MLX: variants seen among roughly 807,000 people sequenced by gnomAD.
MLX encodes the protein max-like protein X.
A neutral mutation model predicts 33.0 loss-of-function variants in MLX; 15 were observed. The ratio of observed to expected loss-of-function variants is 0.45; its 90% confidence interval spans 0.30 to 0.70. The LOEUF (loss-of-function observed/expected upper bound fraction) is 0.70. MLX is among the 30% of genes least tolerant of loss of function. The pLI is 0.07. For synonymous variants in MLX, 115 were observed against 115.6 expected, an observed-to-expected ratio of 0.99 and a Z score of 0.03; for missense variants, 285 against 306.3, an observed-to-expected ratio of 0.93 and a Z score of 0.52.
chr17:42,570,282 T>C, intron 7 of MLX, 99 bp downstream of exon 7: 2 of 1,218,436 alleles, frequency 1.6e-6, no homozygotes, highest in Non-Finnish European at 2.4e-6. Context: ...CAGCTGCTTT[T>C]AGATCTTAAG....
Position 42,567,668 on chromosome 17 carries a change from C to A in MLX, c.79+13C>A. 2 of 1,614,070 alleles carry A rather than the reference C, an allele frequency of 1.2e-6. No homozygotes were observed. Among genetic ancestry groups the A allele is most frequent in the South Asian group, 2.2e-5 (2 of 91,088 alleles). ...AGCCTGGACCCCGGTGAGTAGCTGCCCCATCTTAAGCTCTAGAGGGACACT... is the reference window on the plus strand; with the variant it reads ...AGCCTGGACCCCGGTGAGTAGCTGCACCATCTTAAGCTCTAGAGGGACACT... On this transcript the variant is annotated intron_variant, in intron 2 of 7. Transcript: ENST00000435881.
chr17:42,571,762 C>G lies in MLX; in HGVS notation c.*159C>G. On this transcript the variant is annotated 3_prime_UTR_variant, in exon 8 of 8. Transcript: ENST00000435881. ...TTTCCCAGCCCCATTTTATCTTCAG[C>G]GGAGCCGCGGTGTTTGTTTTGTGAA... The G allele has an allele frequency of 1.5e-6, 1 of 678,892 alleles. No individual in the cohort carries two copies. The highest frequency in any genetic ancestry group is 1.7e-5 in the South Asian group (1 of 58,706). The allele number at this position is 678,892 out of a possible 1,614,324, so 42.1% of individuals were successfully genotyped here.
At position 42,571,659 on chromosome 17, in the gene MLX, G is replaced by A; in HGVS notation, c.*56G>A. On this transcript the variant is annotated 3_prime_UTR_variant, in exon 8 of 8. Transcript: ENST00000435881. The stretch of plus-strand genomic sequence containing the variant: ...CAAGAGGCCCTTGAATCTCTACGTG[G>A]CCACTGAACTGCTGGGCCCGGGAGA... 1 of 1,534,738 alleles carries A rather than the reference G, an allele frequency of 6.5e-7. No homozygotes were observed. Among genetic ancestry groups the A allele is most frequent in the Non-Finnish European group, 9.0e-7 (1 of 1,108,110 alleles).
At position 42,569,985 on chromosome 17, in the gene MLX, C is replaced by T. The variant is rs151049590; in HGVS notation, c.480C>T (p.Asn160=). The T allele has an allele frequency of 4.3e-6, 7 of 1,613,584 alleles. No individual in the cohort carries two copies. The highest frequency in any genetic ancestry group is 5.9e-6 in the Non-Finnish European group (7 of 1,180,016). Residue 160 remains asparagine (N), a synonymous_variant, in exon 7 of 8, where the codon AAC becomes AAT. Coordinates refer to ENST00000435881, the MANE Select transcript of MLX (RefSeq NM_198204.2). ...DVTALKIMKV[N]YEQIVKAHQD... ...GCCCTGGCCTGCATGCTTTTAGGAA[C>T]TATGAGCAGATTGTGAAGGCACACC...
At position 42,572,799 on chromosome 17, in the gene MLX, T is replaced by G. The variant is rs1310820314; in HGVS notation, c.*1196T>G. The stretch of plus-strand genomic sequence containing the variant: ...TGGGTCTACCCCCAGCCACCAGCCC[T>G]CATCCTCTCTACCCAGTGCTCTGGT... On this transcript the variant is annotated 3_prime_UTR_variant, in exon 8 of 8. Transcript: ENST00000435881. The G allele has an allele frequency of 1.3e-6, 1 of 799,186 alleles. No homozygotes were observed. The highest frequency in any genetic ancestry group is 1.7e-5 in the African/African-American group (1 of 58,906). 49.5% of individuals were successfully genotyped at this position (799,186 alleles called of 1,614,324 possible).
At chr17:42,568,985 C>T (rs2093020406) in intron 4 of MLX, 42 bp downstream of exon 4, 3 of 1,565,626 alleles carry the variant, frequency 1.9e-6, no homozygotes, top group Admixed American at 1.8e-5. Context: ...CGGGAGGGCC[C>T]TGCATAGTTT....
In MLX at chr17:42,568,883, C is replaced by T. The variant is rs1453345416; in HGVS notation, c.216C>T (p.Tyr72=). ...ACCAGGAGGCCTACAAGGAGTCCTA[C>T]AAAGACCGGCGGCGGCGCGCACACA... ...DYHQEAYKES[Y]KDRRRRAHTQ... The change falls in exon 4 of 8, where the codon TAC becomes TAT. Residue 72 remains tyrosine (Y), a synonymous_variant. Coordinates refer to ENST00000435881, the MANE Select transcript of MLX (RefSeq NM_198204.2). 3.7e-6 allele frequency: 6 copies of T among 1,611,848 alleles called. No individual in the cohort carries two copies. Among genetic ancestry groups the T allele is most frequent in the Admixed American group, 1.7e-5 (1 of 59,732 alleles).
In MLX at chr17:42,567,596, C is replaced by T. The variant is rs766549485; in HGVS notation, c.43-23C>T. On this transcript the variant is annotated intron_variant, in intron 1 of 7. Coordinates refer to ENST00000435881, the MANE Select transcript of MLX (RefSeq NM_198204.2). Reference sequence around the variant, plus strand: ...CCCTAGGGGCGGAGGTCTGACGGGCCCTTCCCGTGCTCTGTGCCGCAGGTG... The same window carrying T: ...CCCTAGGGGCGGAGGTCTGACGGGCTCTTCCCGTGCTCTGTGCCGCAGGTG... The T allele has an allele frequency of 7.4e-6, 12 of 1,613,794 alleles. No individual in the cohort carries two copies. In the African/African-American group the frequency reaches 1.3e-4, roughly 18 times the overall value.
In MLX at chr17:42,572,511, G is replaced by A. The variant is rs904354775; in HGVS notation, c.*908G>A. ...CAAAAGATACTTAAAAGGGCTCCTG[G>A]GGTACACAAGCCCAGCAGGTCCTGA... On this transcript the variant is annotated 3_prime_UTR_variant, in exon 8 of 8. Coordinates refer to ENST00000435881, the MANE Select transcript of MLX (RefSeq NM_198204.2). 2.2e-6 allele frequency: 1 copy of A among 454,252 alleles called. No individual in the cohort carries two copies. Among genetic ancestry groups the A allele is most frequent in the African/African-American group, 2.0e-5 (1 of 49,900 alleles). 28.1% of individuals were successfully genotyped at this position (454,252 alleles called of 1,614,324 possible). A position where few individuals can be genotyped will look rare whatever the true frequency, so the allele number is the denominator to read the frequency against.
chr17:42,570,162 C>A lies in MLX; in HGVS notation c.657C>A (p.Ile219=), dbSNP rs775956555. The A allele has an allele frequency of 5.9e-5, 96 of 1,613,764 alleles. No homozygotes were observed. The highest frequency in any genetic ancestry group is 8.1e-5 in the Non-Finnish European group (96 of 1,180,044). The part of the protein sequence containing the change: ...QELSACVFSW[I]EEHCKPQTLR... ...TGTCAGCGTGTGTCTTCAGCTGGAT[C>A]GAGGAGCACTGTAAGCCTCAGGTAT... Residue 219 remains isoleucine (I), a synonymous_variant, in exon 7 of 8, where the codon ATC becomes ATA. Coordinates refer to ENST00000435881, the MANE Select transcript of MLX (RefSeq NM_198204.2).
Position 42,570,025 on chromosome 17 carries a change from G to C in MLX, c.520G>C (p.Glu174Gln), listed in dbSNP as rs771115404. 1 of 1,614,160 alleles carries C rather than the reference G, an allele frequency of 6.2e-7. No homozygotes were observed. The highest frequency in any genetic ancestry group is 8.5e-7 in the Non-Finnish European group (1 of 1,180,040). Residue 174 changes from glutamate (E) to glutamine (Q), a missense_variant, in exon 7 of 8, where the codon GAA becomes CAA. Transcript: ENST00000435881. ...GAAGGCACACCAGGACAACCCCCAT[G>C]AAGGGGAGGACCAGGTCTCTGACCA... Reference protein sequence around the residue: ...IVKAHQDNPHEGEDQVSDQVK... With the variant: ...IVKAHQDNPHQGEDQVSDQVK...
Position 42,567,150 on chromosome 17 carries a change from A to G in MLX, c.26A>G (p.Glu9Gly). 7.9e-7 allele frequency: 1 copy of G among 1,267,936 alleles called. No individual in the cohort carries two copies. The highest frequency in any genetic ancestry group is 9.9e-7 in the Non-Finnish European group (1 of 1,006,776). 78.5% of individuals were successfully genotyped at this position (1,267,936 alleles called of 1,614,324 possible). Residue 9 changes from glutamate (E) to glycine (G), a missense_variant, in exon 1 of 8, where the codon GAG (glutamate) becomes GGG (glycine). Transcript: ENST00000435881. ...ATGACGGAGCCGGGCGCCTCTCCCG[A>G]GGACCCTTGGGTCAAGGCAAGCCCC... MTEPGASPEDPWVKVEYAY... is the reference protein window; with the variant it reads MTEPGASPGDPWVKVEYAY...
rs1384929856 is a variant in MLX at position 42,568,544 on chromosome 17, T to G, written c.154T>G (p.Ser52Ala). The change falls in exon 3 of 8, where the codon TCT becomes GCT. Residue 52 changes from serine (S) to alanine (A), a missense_variant. Transcript: ENST00000435881. Reference sequence around the variant, plus strand: ...TAGCATCGGTTCCACCAGTGCCTCTTCTGTCCCCAACACAGGTAGGCAGTA... The same window carrying G: ...TAGCATCGGTTCCACCAGTGCCTCTGCTGTCCCCAACACAGGTAGGCAGTA... Reference protein sequence around the residue: ...ANSIGSTSASSVPNTDDEDSD... With the variant: ...ANSIGSTSASAVPNTDDEDSD... 5.6e-6 allele frequency: 9 copies of G among 1,613,608 alleles called. No individual in the cohort carries two copies. The highest frequency in any genetic ancestry group is 7.6e-6 in the Non-Finnish European group (9 of 1,179,712).
rs1415918805 is a variant in MLX, at chr17:42,572,848, T to C, written c.*1245T>C. 8.2e-7 allele frequency: 1 copy of C among 1,217,228 alleles called. No homozygotes were observed. Among genetic ancestry groups the C allele is most frequent in the Admixed American group, 1.8e-5 (1 of 56,138 alleles). The allele number at this position is 1,217,228 out of a possible 1,614,324, so 75.4% of individuals were successfully genotyped here. ...GTTTATGCTTGTCTCCTGACTGCTCTGCTTAAAGGTGAAAGTAGCAGGAAC... is the reference window on the plus strand; with the variant it reads ...GTTTATGCTTGTCTCCTGACTGCTCCGCTTAAAGGTGAAAGTAGCAGGAAC... On this transcript the variant is annotated 3_prime_UTR_variant, in exon 8 of 8. Transcript: ENST00000435881.
Position 42,571,701 on chromosome 17 carries a change from C to T in MLX, c.*98C>T, listed in dbSNP as rs2093033814. 3.6e-6 allele frequency: 4 copies of T among 1,114,002 alleles called. No homozygotes were observed. The highest frequency in any genetic ancestry group is 5.5e-6 in the Non-Finnish European group (4 of 726,096). 69.0% of individuals were successfully genotyped at this position (1,114,002 alleles called of 1,614,324 possible). On this transcript the variant is annotated 3_prime_UTR_variant, in exon 8 of 8. Transcript: ENST00000435881. ...CCCGGGAGACTGGACTACAACACCT[C>T]ACACTGGTCAGCTGGTTTCTACTTG... is the stretch of plus-strand genomic sequence containing the variant.
rs1377774772 is a variant in MLX at position 42,571,628 on chromosome 17, A to C, written c.*25A>C. 6.2e-7 allele frequency: 1 copy of C among 1,603,402 alleles called. No homozygotes were observed. Among genetic ancestry groups the C allele is most frequent in the East Asian group, 2.2e-5 (1 of 44,884 alleles). ...ACCGGTTCTTGGAAACCTGGAGAAC[A>C]GCCAACAAGAGGCCCTTGAATCTCT... On this transcript the variant is annotated 3_prime_UTR_variant, in exon 8 of 8. Coordinates refer to ENST00000435881, the MANE Select transcript of MLX (RefSeq NM_198204.2).
In MLX at chr17:42,569,516, A is replaced by T; in HGVS notation, c.386A>T (p.Tyr129Phe). The change falls in exon 6 of 8, where the codon TAC becomes TTC. Residue 129 changes from tyrosine to phenylalanine, a missense_variant. By Grantham distance (22) the Tyr-to-Phe change is conservative. Coordinates refer to ENST00000435881, the MANE Select transcript of MLX (RefSeq NM_198204.2). ...CTTGCCCCCACCCTAGCCATTGACT[A>T]CATTCAGTTTTTGCACAAGGAGAAG... is the stretch of plus-strand genomic sequence containing the variant. ...KAIVLQKTIDYIQFLHKEKKK... is the reference protein window; with the variant it reads ...KAIVLQKTIDFIQFLHKEKKK... The T allele has an allele frequency of 6.2e-7, 1 of 1,613,798 alleles. No individual in the cohort carries two copies. The highest frequency in any genetic ancestry group is 8.5e-7 in the Non-Finnish European group (1 of 1,179,796).
chr17:42,571,802 TTATTA>T lies in MLX; in HGVS notation c.*204_*208del. ...TGTTTTGTGAAAGCTTCTGATTAAT[TTATTA>T]TATTGACGATAAAACTCAAACCTAC... is the stretch of plus-strand genomic sequence containing the variant. On this transcript the variant is annotated 3_prime_UTR_variant, in exon 8 of 8. Transcript: ENST00000435881. The T allele has an allele frequency of 3.4e-6, 2 of 596,502 alleles. No individual in the cohort carries two copies. Among genetic ancestry groups the T allele is most frequent in the Non-Finnish European group, 3.0e-6 (1 of 334,176 alleles). The allele number at this position is 596,502 out of a possible 1,614,324, so 37.0% of individuals were successfully genotyped here.
Position 42,569,713 on chromosome 17 carries a change from T to C in MLX, c.476+107T>C, listed in dbSNP as rs2093023138. The stretch of plus-strand genomic sequence containing the variant: ...AGTTACTGCTGTACAGATAATACTC[T>C]TAGTTCCTGAGCTAGCCAGTAGGAC... On this transcript the variant is annotated intron_variant, in intron 6 of 7. Transcript: ENST00000435881. 20 of 903,430 alleles carry C rather than the reference T, an allele frequency of 2.2e-5. No individual in the cohort carries two copies. The South Asian group carries it at 2.8e-4, about 13-fold the overall frequency. 56.0% of individuals were successfully genotyped at this position (903,430 alleles called of 1,614,324 possible). A position where few individuals can be genotyped will look rare whatever the true frequency, so the allele number is the denominator to read the frequency against.
Sources: allele counts gnomAD v4.1 joint callset, GRCh38; gene constraint gnomAD v4.1.1; transcripts MANE v1.5; gene names NCBI Gene and HGNC (gene_info 2026-07-23, HGNC 2026-07-21).